Variants in CACNA2D1 observed in about 807,000 individuals in gnomAD.
The protein encoded by CACNA2D1 is calcium voltage-gated channel auxiliary subunit alpha2delta 1.
CACNA2D1 carries 53 observed loss-of-function variants against 171.5 expected under a neutral mutation model. The observed-to-expected ratio is 0.31, with a 90% CI of 0.25 to 0.39. The LOEUF (loss-of-function observed/expected upper bound fraction) is 0.39. Ranked by LOEUF, CACNA2D1 falls within the 10% of genes least tolerant of loss-of-function variation. The pLI is 1.00. For missense variants in CACNA2D1, 903 were observed against 1,299.8 expected, an observed-to-expected ratio of 0.69 and a Z score of 4.69; for synonymous variants, 442 against 443.1, an observed-to-expected ratio of 1.00 and a Z score of 0.03.
chr7:82,428,635 C>T (rs1430923809), intron 1 of CACNA2D1, among the ~76,000 whole-genome samples: 1 of 152,204 alleles, frequency 6.6e-6, no homozygotes, highest in African/African-American at 2.4e-5. Flanking sequence ...TAACACTTTT[C>T]ACCCTTTGCT....
chr7:82,042,375 G>A (rs2131243389), intron 10 of CACNA2D1, among the ~76,000 whole-genome samples: 1 of 152,202 alleles, frequency 6.6e-6, no homozygotes, highest in Admixed American at 6.6e-5. Flanking sequence ...AAGTGTAATA[G>A]CAAATATATT....
At chr7:82,386,112 C>T (rs530602555) in intron 1 of CACNA2D1, among the ~76,000 whole-genome samples, 3 of 152,016 alleles carry the variant, frequency 2.0e-5, no homozygotes, top group Non-Finnish European at 4.4e-5. Context: ...TCTTGGAATC[C>T]GCAAAGTGCC....
intron 10 of CACNA2D1, among the ~76,000 whole-genome samples, chr7:82,051,999 G>T (rs978758670): frequency 6.6e-6 from 1 of 152,102 alleles, no homozygotes; most frequent in Non-Finnish European, 1.5e-5. Flanking sequence ...TCTTATACAT[G>T]ATTTAAGCAT....
chr7:82,436,626 A>G (rs550640507), intron 1 of CACNA2D1, among the ~76,000 whole-genome samples: 2 of 152,342 alleles, frequency 1.3e-5, no homozygotes, highest in South Asian at 4.1e-4. Context: ...AAGCATTAAG[A>G]AAAATAACCA....
intron 1 of CACNA2D1, among the ~76,000 whole-genome samples, chr7:82,392,309 A>G (rs1825208851): frequency 6.6e-6 from 1 of 152,038 alleles, no homozygotes; most frequent in Non-Finnish European, 1.5e-5. Flanking sequence ...ACTGAGAGAG[A>G]CAGACCACCC....
chr7:82,378,307 G>A (rs998056201), intron 1 of CACNA2D1, among the ~76,000 whole-genome samples: 3 of 152,176 alleles, frequency 2.0e-5, no homozygotes, highest in East Asian at 1.9e-4. Flanking sequence ...GCTGAGGCAG[G>A]AGGATCATTG....
intron 1 of CACNA2D1, among the ~76,000 whole-genome samples, chr7:82,394,202 C>T (rs527428726): frequency 2.6e-4 from 39 of 152,086 alleles, no homozygotes; most frequent in African/African-American, 8.9e-4. Flanking sequence ...GATACGTCTA[C>T]CTGCATTTTA....
intron 3 of CACNA2D1, among the ~76,000 whole-genome samples, chr7:82,272,084 T>C (rs369684198): frequency 2.0e-5 from 3 of 152,300 alleles, no homozygotes; most frequent in South Asian, 2.1e-4. Flanking sequence ...GAGTAATTTA[T>C]GAGAGAAAAC....
At chr7:82,040,095 C>CA (rs1803756900) in intron 10 of CACNA2D1, among the ~76,000 whole-genome samples, 1 of 152,102 alleles carries the variant, frequency 6.6e-6, no homozygotes, top group South Asian at 2.1e-4. Flanking sequence ...GAAGGCTTTG[C>CA]AGTAACCTAG....
chr7:82,206,924 T>C (rs898766287), intron 3 of CACNA2D1, among the ~76,000 whole-genome samples: 8 of 152,138 alleles, frequency 5.3e-5, no homozygotes, highest in Admixed American at 5.2e-4. Flanking sequence ...CATATAACAT[T>C]AGACTCATTT....
chr7:82,141,379 A>G (rs898336182), intron 4 of CACNA2D1, among the ~76,000 whole-genome samples: 2 of 152,124 alleles, frequency 1.3e-5, no homozygotes, highest in Admixed American at 6.5e-5. Context: ...AAATTTAAAA[A>G]AAAAAATGAA....
intron 3 of CACNA2D1, among the ~76,000 whole-genome samples, chr7:82,272,697 C>A (rs1389829775): frequency 6.6e-6 from 1 of 152,106 alleles, no homozygotes; most frequent in East Asian, 1.9e-4. Context: ...TAAGAAAATT[C>A]AAAAATCAGC....
At chr7:82,291,534 ATG>A (rs1412987993) in intron 3 of CACNA2D1, among the ~76,000 whole-genome samples, 1 of 138,464 alleles carries the variant, frequency 7.2e-6, no homozygotes, top group Non-Finnish European at 1.5e-5. Flanking sequence ...AGATCTATAT[ATG>A]TGATATATAG....
chr7:82,185,556 G>C, intron 3 of CACNA2D1, among the ~76,000 whole-genome samples: 1 of 81,038 alleles, frequency 1.2e-5, no homozygotes, highest in Non-Finnish European at 2.4e-5. Context: ...AGGGGGAGGA[G>C]GGGGAGGGGG....
At chr7:82,394,871 A>G (rs1825607385) in intron 1 of CACNA2D1, among the ~76,000 whole-genome samples, 1 of 152,142 alleles carries the variant, frequency 6.6e-6, no homozygotes, top group Non-Finnish European at 1.5e-5. Context: ...GACTAAAGTG[A>G]ACCAACTCTT....
intron 4 of CACNA2D1, among the ~76,000 whole-genome samples, chr7:82,144,412 A>G (rs1477961819): frequency 2.6e-5 from 4 of 152,112 alleles, no homozygotes; most frequent in Non-Finnish European, 5.9e-5. Flanking sequence ...TTCATTAAGA[A>G]TTCCATTTCT....
chr7:82,392,597 G>T (rs938746588), intron 1 of CACNA2D1, among the ~76,000 whole-genome samples: 1 of 152,182 alleles, frequency 6.6e-6, no homozygotes, highest in African/African-American at 2.4e-5. Context: ...CAGGCCTGGG[G>T]CCAAGCAAGG....
In CACNA2D1 at chr7:82,267,678, C is replaced by T. The variant is rs568740456; in HGVS notation, c.294+67457G>A. On this transcript the variant is annotated intron_variant, in intron 3 of 38. Transcript: ENST00000356860. ...TGATTATCTTACTGAATTGAAGAAA[C>T]GAAAGCTTTTGAAAGCCCTTAAACC... Among the ~76,000 whole-genome samples the T allele has an allele frequency of 2.5e-3, 373 of 152,088 alleles. 6 individuals carry two copies. Among genetic ancestry groups the T allele is most frequent in the South Asian group, 0.012 (57 of 4,806 alleles).
At chr7:82,411,376 C>T (rs957041764) in intron 1 of CACNA2D1, among the ~76,000 whole-genome samples, 9 of 151,944 alleles carry the variant, frequency 5.9e-5, no homozygotes, top group Admixed American at 2.6e-4. Context: ...TTTATAAAAA[C>T]GAAAATAACA....
Sources: allele counts gnomAD v4.1 joint callset (sites outside exome capture counted in the v4.1 genomes callset), GRCh38; gene constraint gnomAD v4.1.1; transcripts MANE v1.5; gene names NCBI Gene and HGNC (gene_info 2026-07-23, HGNC 2026-07-21).